PECR: variants seen among roughly 807,000 people sequenced by gnomAD.
The protein encoded by PECR is 2,4-dienoyl-CoA reductase-related protein.
In PECR, 30 loss-of-function variants were observed where a neutral mutation model predicts 35.3. The observed-to-expected ratio is 0.85, with a 90% confidence interval of 0.64 to 1.15. The LOEUF (loss-of-function observed/expected upper bound fraction) is 1.15, where lower values mean the gene tolerates loss of function less well. PECR is among the 50% of genes most tolerant of loss of function. The pLI is 0.00. For synonymous variants in PECR, 148 were observed against 138.9 expected (o/e 1.07, Z -0.46); for missense variants, 392 against 370.8 (o/e 1.06, Z -0.47).
chr2:216,072,993 A>G (rs1189920816), intron 1 of PECR, among the ~76,000 whole-genome samples: 1 of 152,256 alleles, frequency 6.6e-6, no homozygotes, highest in Non-Finnish European at 1.5e-5. Flanking sequence ...AACTATGTTT[A>G]AAGTTTAGGT....
chr2:216,051,903 G>A (rs535959889), intron 4 of PECR, among the ~76,000 whole-genome samples: 1 of 152,236 alleles, frequency 6.6e-6, no homozygotes, highest in Admixed American at 6.5e-5. Context: ...AATAACAAAG[G>A]AGGCCAGGTG....
rs1392696065 is a variant in PECR, at chr2:216,038,414, A to C, written c.*861T>G. 1.3e-5 allele frequency: 2 copies of C among 152,222 alleles called. No individual in the cohort carries two copies. The highest frequency in any genetic ancestry group is 2.4e-5 in the African/African-American group (1 of 41,460). 9.4% of individuals were successfully genotyped at this position (152,222 alleles called of 1,614,324 possible). A position where few individuals can be genotyped will look rare whatever the true frequency, so the allele number is the denominator to read the frequency against. On this transcript the variant is annotated 3_prime_UTR_variant, in exon 8 of 8. Transcript: ENST00000265322. ...AAATCACATAAAACTTTTTCTTTGA[A>C]TTAAGAGAATTTATACAAATTTGAC...
At chr2:216,030,697 C>A (rs1694666249) in intron 7 of PECR, among the ~76,000 whole-genome samples, 1 of 151,260 alleles carries the variant, frequency 6.6e-6, no homozygotes. Context: ...CATGCACCAC[C>A]ACAACTGGCT....
intron 6 of PECR, among the ~76,000 whole-genome samples, chr2:216,045,349 C>T (rs900418997): frequency 1.3e-5 from 2 of 152,184 alleles, no homozygotes; most frequent in Non-Finnish European, 2.9e-5. Flanking sequence ...CAAATTGAGA[C>T]GTGCTGTAAG....
chr2:216,051,695 C>T (rs1056579624), intron 4 of PECR, 150 bp from the exon 5 acceptor site: 33 of 684,630 alleles, frequency 4.8e-5, no homozygotes, highest in East Asian at 5.4e-5. Flanking sequence ...GTCTAAACAA[C>T]GAAGAAAAAA....
chr2:216,029,513 G>C (rs1694647893), intron 7 of PECR, among the ~76,000 whole-genome samples: 2 of 152,188 alleles, frequency 1.3e-5, no homozygotes, highest in Admixed American at 1.3e-4. Context: ...GGACGACAAA[G>C]GCAAAATGAT....
In PECR at chr2:216,076,454, G is replaced by A. The variant is rs987907604; in HGVS notation, c.124+5164C>T. Among the ~76,000 whole-genome samples the A allele has an allele frequency of 2.0e-5, 3 of 152,194 alleles. No homozygotes were observed. The South Asian group carries it at 6.2e-4, about 32-fold the overall frequency. On this transcript the variant is annotated intron_variant, in intron 1 of 7. Coordinates refer to ENST00000265322, the MANE Select transcript of PECR (RefSeq NM_018441.6). ...TGGAAATTACCTAAAAATTCAATATGAGGGAAATAGTTAAATCAATAACAA... is the reference window on the plus strand; with the variant it reads ...TGGAAATTACCTAAAAATTCAATATAAGGGAAATAGTTAAATCAATAACAA...
chr2:216,033,352 C>G (rs2105937141), intron 7 of PECR, among the ~76,000 whole-genome samples: 1 of 152,154 alleles, frequency 6.6e-6, no homozygotes, highest in East Asian at 1.9e-4. Flanking sequence ...ATTTTGCATA[C>G]AAATTCCTCC....
intron 4 of PECR, among the ~76,000 whole-genome samples, chr2:216,055,844 A>ACC (rs1204057109): frequency 1.3e-5 from 2 of 152,190 alleles, no homozygotes; most frequent in South Asian, 2.1e-4. Context: ...TAGCCGTACC[A>ACC]CCCATCATCA....
At chr2:216,059,728 GT>G (rs1695296991) in intron 3 of PECR, among the ~76,000 whole-genome samples, 1 of 152,166 alleles carries the variant, frequency 6.6e-6, no homozygotes, top group Non-Finnish European at 1.5e-5. Flanking sequence ...TCACACTGGA[GT>G]TTTTATTTGC....
At chr2:216,051,654 C>T in intron 4 of PECR, 109 bp from the exon 5 acceptor site, 3 of 757,884 alleles carry the variant, frequency 4.0e-6, no homozygotes, top group Non-Finnish European at 7.2e-6. Context: ...CAAGAGACTT[C>T]TTGCTATGGA....
chr2:216,081,177 T>C (rs1040775236), intron 1 of PECR, among the ~76,000 whole-genome samples: 1 of 152,204 alleles, frequency 6.6e-6, no homozygotes, highest in African/African-American at 2.4e-5. Flanking sequence ...TTAAGGTAAA[T>C]ATTCAGCATA....
chr2:216,048,843 CAAAAA>C (rs59623283), intron 6 of PECR, among the ~76,000 whole-genome samples: 1 of 74,090 alleles, frequency 1.3e-5, no homozygotes. Context: ...CTGTCTCAAG[CAAAAA>C]AAAAAAAAAA....
At chr2:216,035,566 C>A (rs1055914956), downstream of PECR, among the ~76,000 whole-genome samples, 1 of 151,556 alleles carries the variant, frequency 6.6e-6, no homozygotes, top group Non-Finnish European at 1.5e-5. Flanking sequence ...TGGCTCACTG[C>A]AATCTCCGCC....
chr2:216,081,473 G>A (rs755388854), intron 1 of PECR, 145 bp downstream of exon 1: 19 of 956,486 alleles, frequency 2.0e-5, no homozygotes, highest in Non-Finnish European at 3.2e-5. Context: ...TGTCTCCCTG[G>A]TGGTCGTAAT....
intron 3 of PECR, among the ~76,000 whole-genome samples, chr2:216,060,980 A>G (rs1270714132): frequency 2.0e-5 from 3 of 151,914 alleles, no homozygotes; most frequent in African/African-American, 7.3e-5. Context: ...CAATTCTGAA[A>G]CTGAATCGGG....
chr2:216,046,311 T>TATATA lies in PECR; in HGVS notation c.715-2297_715-2296insTATAT, dbSNP rs369480215. On this transcript the variant is annotated intron_variant, in intron 6 of 7. Transcript: ENST00000265322. ...ATACATACATATATATATATATATA[T>TATATA]TTTTTTTTTTTTTTTTTTTGAGAAG... 6.7e-4 allele frequency among the ~76,000 whole-genome samples: 49 copies of TATATA among 73,416 alleles called. No homozygotes were observed. In the South Asian group the frequency reaches 9.8e-3, roughly 15 times the overall value. The allele number at this position is 73,416 out of a possible 152,430, so 48.2% of individuals were successfully genotyped here. A position where few individuals can be genotyped will look rare whatever the true frequency, so the allele number is the denominator to read the frequency against.
chr2:216,034,207 AAATG>A (rs1171988120), downstream of PECR: 3 of 152,358 alleles, frequency 2.0e-5, no homozygotes, highest in African/African-American at 7.2e-5. Flanking sequence ...TCATGTTAAA[AAATG>A]AATGAGATCA....
chr2:216,042,988 T>TATATAC (rs1328047204), intron 7 of PECR, among the ~76,000 whole-genome samples: 5 of 134,922 alleles, frequency 3.7e-5, no homozygotes, highest in African/African-American at 1.4e-4. Context: ...TGTATATATA[T>TATATAC]ATACATACGT....
Sources: allele counts gnomAD v4.1 joint callset (sites outside exome capture counted in the v4.1 genomes callset), GRCh38; gene constraint gnomAD v4.1.1; transcripts MANE v1.5; gene names NCBI Gene and HGNC (gene_info 2026-07-23, HGNC 2026-07-21).